The following TSPAN3 variants were observed in gnomAD, a reference collection of about 807,000 sequenced individuals.
TSPAN3 encodes the protein tetraspanin 3.
A neutral mutation model predicts 31.1 loss-of-function variants in TSPAN3; 9 were observed. The ratio of observed to expected loss-of-function variants is 0.29; its 90% confidence interval spans 0.17 to 0.50. The LOEUF is 0.50. TSPAN3 is among the 20% of genes least tolerant of loss of function. The pLI is 0.98. For synonymous variants in TSPAN3, 129 were observed against 114.3 expected (o/e 1.13, Z -0.82); for missense variants, 252 against 313.5 (o/e 0.80, Z 1.48).
In TSPAN3 at chr15:77,055,937, G is replaced by C. The variant is rs185197169; in HGVS notation, c.256-74C>G. The stretch of plus-strand genomic sequence containing the variant: ...TAAATACACTCTTGATTTAAAAAAA[G>C]TTATCAGAGATAATTGCTAGAAGTT... On this transcript the variant is annotated intron_variant, in intron 2 of 6. Coordinates refer to ENST00000267970, the MANE Select transcript of TSPAN3 (RefSeq NM_005724.6). 32 of 1,529,904 alleles carry C rather than the reference G, an allele frequency of 2.1e-5. No homozygotes were observed. In the East Asian group the frequency reaches 4.9e-4, roughly 24 times the overall value. 94.8% of individuals were successfully genotyped at this position (1,529,904 alleles called of 1,614,324 possible).
At chr15:77,068,584 G>A (rs2076847616) in intron 1 of TSPAN3, among the ~76,000 whole-genome samples, 2 of 152,256 alleles carry the variant, frequency 1.3e-5, no homozygotes, top group African/African-American at 4.8e-5. Context: ...ACAAGGAACT[G>A]TAAAGAGTAC....
At chr15:77,061,826 C>G (rs1443104191) in intron 1 of TSPAN3, among the ~76,000 whole-genome samples, 2 of 152,160 alleles carry the variant, frequency 1.3e-5, no homozygotes, top group African/African-American at 4.8e-5. Context: ...TGGCAAGAAT[C>G]AAAACAATGT....
chr15:77,053,270 C>A (rs1185118488), intron 4 of TSPAN3, among the ~76,000 whole-genome samples: 2 of 151,514 alleles, frequency 1.3e-5, no homozygotes, highest in Non-Finnish European at 2.9e-5. Context: ...CCGAGATGGG[C>A]GAGTCACCTG....
At chr15:77,062,503 T>C (rs1400766830) in intron 1 of TSPAN3, among the ~76,000 whole-genome samples, 4 of 152,196 alleles carry the variant, frequency 2.6e-5, no homozygotes, top group Non-Finnish European at 5.9e-5. Flanking sequence ...AGCTATTAAA[T>C]ACTATCATTT....
rs534823260 is a variant in TSPAN3, at chr15:77,061,695, T to C, written c.64-5440A>G. Among the ~76,000 whole-genome samples the C allele has an allele frequency of 2.9e-3, 447 of 152,220 alleles. 22 individuals are homozygous for C. In the South Asian group the frequency reaches 0.085, roughly 29 times the overall value. ...TGCCAAAAGTATACCTACATGGAGA[T>C]TTAGAAATACAAAGGCGAAAGCATC... On this transcript the variant is annotated intron_variant, in intron 1 of 6. Transcript: ENST00000267970.
chr15:77,048,813 C>G (rs1434605281), intron 6 of TSPAN3, among the ~76,000 whole-genome samples: 1 of 151,986 alleles, frequency 6.6e-6, no homozygotes, highest in Non-Finnish European at 1.5e-5. Context: ...AAAAAAATGA[C>G]TAGTGGTGAT....
At chr15:77,055,640 T>A (rs111689029) in intron 3 of TSPAN3, 149 bp downstream of exon 3, 1 of 622,408 alleles carries the variant, frequency 1.6e-6, no homozygotes, top group Admixed American at 3.5e-5. Context: ...ATGTAAATAT[T>A]TGCCAATTAA....
chr15:77,058,571 T>C (rs1269059425), intron 1 of TSPAN3, among the ~76,000 whole-genome samples: 1 of 152,168 alleles, frequency 6.6e-6, no homozygotes, highest in East Asian at 1.9e-4. Context: ...ATCGAAACGG[T>C]TGCAATTATA....
chr15:77,047,372 G>C (rs968395333), intron 6 of TSPAN3, among the ~76,000 whole-genome samples: 4 of 152,158 alleles, frequency 2.6e-5, no homozygotes, highest in African/African-American at 9.7e-5. Context: ...TACCATTCTG[G>C]ACAGCAAAGG....
At chr15:77,059,712 T>C (rs1596166153) in intron 1 of TSPAN3, among the ~76,000 whole-genome samples, 1 of 152,236 alleles carries the variant, frequency 6.6e-6, no homozygotes, top group African/African-American at 2.4e-5. Context: ...TCGGTACACC[T>C]ACTGAAACTT....
At chr15:77,069,481 CAAATT>C (rs1208244061) in intron 1 of TSPAN3, among the ~76,000 whole-genome samples, 1 of 152,108 alleles carries the variant, frequency 6.6e-6, no homozygotes, top group Non-Finnish European at 1.5e-5. Flanking sequence ...GCCTGTAACT[CAAATT>C]AAAGTATAAG....
At chr15:77,063,972 A>G (rs1315913967) in intron 1 of TSPAN3, 1 of 152,244 alleles carries the variant, frequency 6.6e-6, no homozygotes, top group African/African-American at 2.4e-5. Flanking sequence ...GAGGTGCTTA[A>G]GCTTTGTAAT....
At chr15:77,053,469 AAAAAAAAAAAAAAAAAAAAAAAAAAG>A (rs1424165173) in intron 4 of TSPAN3, among the ~76,000 whole-genome samples, 7 of 78,832 alleles carry the variant, frequency 8.9e-5, no homozygotes, top group African/African-American at 1.8e-4. Context: ...AAAAAAAAAA[AAAAAAAAAAAAAAAAAAAAAAAAAAG>A]AAAAGAAAAG....
rs1252170353 is a variant in TSPAN3, at chr15:77,046,661, G to A, written c.*174C>T. ...AAGAGTCAGCTAGAACAAGGAAAAA[G>A]AAAGTCGCAGGTAGTAGGTAAGTAG... On this transcript the variant is annotated 3_prime_UTR_variant, in exon 7 of 7. Transcript: ENST00000267970. The A allele has an allele frequency of 1.8e-6, 1 of 566,264 alleles. No homozygotes were observed. The highest frequency in any genetic ancestry group is 3.1e-6 in the Non-Finnish European group (1 of 319,858). The allele number at this position is 566,264 out of a possible 1,614,324, so 35.1% of individuals were successfully genotyped here. A position where few individuals can be genotyped will look rare whatever the true frequency, so the allele number is the denominator to read the frequency against.
At chr15:77,059,605 T>C (rs977744060) in intron 1 of TSPAN3, among the ~76,000 whole-genome samples, 1 of 152,220 alleles carries the variant, frequency 6.6e-6, no homozygotes, top group Non-Finnish European at 1.5e-5. Context: ...TTATTAGACG[T>C]TTCTCTATCC....
chr15:77,052,571 GA>G, intron 5 of TSPAN3, 103 bp from the exon 6 acceptor site: 1 of 1,218,936 alleles, frequency 8.2e-7, no homozygotes, highest in South Asian at 1.3e-5. Context: ...GACAGAAACT[GA>G]AAGAGTGGAA....
intron 4 of TSPAN3, 140 bp downstream of exon 4, chr15:77,054,038 G>T (rs1311767813): frequency 5.1e-6 from 3 of 584,944 alleles, no homozygotes; most frequent in Non-Finnish European, 9.1e-6. Flanking sequence ...AAGGGTGAAG[G>T]TTGGGGAAAA....
rs1293547511 is a variant in TSPAN3, at chr15:77,043,319, T to A, written c.*3516A>T. 6.6e-6 allele frequency: 1 copy of A among 152,198 alleles called. No homozygotes were observed. The highest frequency in any genetic ancestry group is 2.4e-5 in the African/African-American group (1 of 41,450). 9.4% of individuals were successfully genotyped at this position (152,198 alleles called of 1,614,324 possible). The stretch of plus-strand genomic sequence containing the variant: ...CTCTGCTAAGCTGCTTTAGAGCTCT[T>A]TTTTATCCCTTTTAGTAGTTAACTA... On this transcript the variant is annotated 3_prime_UTR_variant, in exon 7 of 7. Transcript: ENST00000267970.
rs746866004 is a variant in TSPAN3 at position 77,052,479 on chromosome 15, C to T, written c.586-11G>A. The T allele has an allele frequency of 6.2e-7, 1 of 1,611,040 alleles. No individual in the cohort carries two copies. Among genetic ancestry groups the T allele is most frequent in the Admixed American group, 1.7e-5 (1 of 60,014 alleles). The stretch of plus-strand genomic sequence containing the variant: ...TAGAGCCTCACACCCCTGTAACAAA[C>T]ACAGTCATCCTCGTTAGAAGTGTTC... On this transcript the variant is annotated splice_polypyrimidine_tract_variant and intron_variant, in intron 5 of 6. Transcript: ENST00000267970.
Sources: allele counts gnomAD v4.1 joint callset (sites outside exome capture counted in the v4.1 genomes callset), GRCh38; gene constraint gnomAD v4.1.1; transcripts MANE v1.5; gene names NCBI Gene and HGNC (gene_info 2026-07-23, HGNC 2026-07-21).